THOC1: variants seen among roughly 807,000 people sequenced by gnomAD.
THOC1 encodes the protein THO complex subunit 1.
Under a neutral mutation model 97.3 loss-of-function variants are expected in THOC1, and 29 were observed. The ratio of observed to expected loss-of-function variants is 0.30; its 90% CI spans 0.22 to 0.41. THOC1 has a LOEUF of 0.41. Ranked by LOEUF, THOC1 falls within the 10% of genes least tolerant of loss-of-function variation. The pLI is 1.00. For missense variants in THOC1, 529 were observed against 761.9 expected, an observed-to-expected ratio of 0.69 and a Z score of 3.60; for synonymous variants, 255 against 257.0, an observed-to-expected ratio of 0.99 and a Z score of 0.07.
At chr18:222,715 C>G (rs1216823754) in intron 17 of THOC1, among the ~76,000 whole-genome samples, 1 of 152,028 alleles carries the variant, frequency 6.6e-6, no homozygotes, top group Non-Finnish European at 1.5e-5. Context: ...ACTCATCCCA[C>G]TGTCTTCTGA....
intron 11 of THOC1, among the ~76,000 whole-genome samples, chr18:243,545 A>AAT (rs907558704): frequency 1.2e-4 from 18 of 151,186 alleles, no homozygotes; most frequent in Middle Eastern, 3.4e-3. Flanking sequence ...CTCAAAAAAA[A>AAT]ATATATATAT....
chr18:265,420 T>C (rs886551772), intron 2 of THOC1, 37 bp downstream of exon 2: 10 of 1,586,682 alleles, frequency 6.3e-6, no homozygotes, highest in Non-Finnish European at 7.7e-6. Flanking sequence ...TGTATAAAGA[T>C]TGAGGCAAGT....
chr18:233,460 C>T (rs528575119), intron 11 of THOC1, among the ~76,000 whole-genome samples: 1 of 152,304 alleles, frequency 6.6e-6, no homozygotes, highest in East Asian at 1.9e-4. Flanking sequence ...GTGGCGCATG[C>T]CTGTAATCCC....
intron 7 of THOC1, among the ~76,000 whole-genome samples, chr18:256,828 G>A (rs763750578): frequency 5.3e-5 from 8 of 152,234 alleles, no homozygotes; most frequent in East Asian, 1.9e-4. Context: ...GAAATCTTTC[G>A]TGAAAGGAAG....
chr18:254,348 G>A lies in THOC1; in HGVS notation c.528C>T (p.Asn176=), dbSNP rs770973182. 4 of 1,565,332 alleles carry A rather than the reference G, an allele frequency of 2.6e-6. No individual in the cohort carries two copies. The South Asian group carries it at 4.7e-5, about 18-fold the overall frequency. ...LFPLSEKSGL[N]LQSQFNLENV... ...TTTCCAGATTAAACTGACTCTGCAA[G>A]TTAAGACCTAGTAAAAAAACAAAAA... is the stretch of plus-strand genomic sequence containing the variant. Residue 176 remains asparagine, a synonymous_variant, in exon 8 of 21, where the codon AAC becomes AAT. Transcript: ENST00000261600. This position sits in a 1 kb window ranked among gnomAD's most constrained non-coding sequence, Gnocchi z 4.1.
rs757410249 is a variant in THOC1 at position 216,446 on chromosome 18, G to A, written c.1602+40C>T. 3 of 1,582,806 alleles carry A rather than the reference G, an allele frequency of 1.9e-6. No homozygotes were observed. In the Admixed American group the frequency reaches 5.3e-5, roughly 28 times the overall value. ...TAGTGACAGCAATTTTAAAGAAGAT[G>A]TCAACTAAAGGGTATGAAAAGTTGA... On this transcript the variant is annotated intron_variant, in intron 19 of 20. Transcript: ENST00000261600.
intron 9 of THOC1, among the ~76,000 whole-genome samples, chr18:248,838 C>G (rs187152404): frequency 6.6e-6 from 1 of 152,064 alleles, no homozygotes; most frequent in Non-Finnish European, 1.5e-5. Context: ...GCAAGCTCCG[C>G]CTCCCGGGTT....
chr18:260,311 G>C lies in THOC1; in HGVS notation c.257-7C>G. The C allele has an allele frequency of 6.7e-7, 1 of 1,503,120 alleles. No individual in the cohort carries two copies. The highest frequency in any genetic ancestry group is 8.9e-7 in the Non-Finnish European group (1 of 1,125,378). The allele number at this position is 1,503,120 out of a possible 1,614,324, so 93.1% of individuals were successfully genotyped here. On this transcript the variant is annotated splice_region_variant and splice_polypyrimidine_tract_variant and intron_variant, in intron 4 of 20. Coordinates refer to ENST00000261600, the MANE Select transcript of THOC1 (RefSeq NM_005131.3). Reference sequence around the variant, plus strand: ...GTAGATGCGGTACAAATACCTTCAAGTGGAGCACAAGCCAATTTAAAAGTT... The same window carrying C: ...GTAGATGCGGTACAAATACCTTCAACTGGAGCACAAGCCAATTTAAAAGTT...
chr18:254,235 C>G lies in THOC1; in HGVS notation c.603+38G>C. 1 of 1,435,530 alleles carries G rather than the reference C, an allele frequency of 7.0e-7. No homozygotes were observed. The highest frequency in any genetic ancestry group is 1.4e-5 in the African/African-American group (1 of 71,004). 88.9% of individuals were successfully genotyped at this position (1,435,530 alleles called of 1,614,324 possible). A position where few individuals can be genotyped will look rare whatever the true frequency, so the allele number is the denominator to read the frequency against. ...ACCCACTATCTTAATAACAAACTTG[C>G]AAATATGTTATCTGAGAAGATTTCA... On this transcript the variant is annotated intron_variant, in intron 8 of 20. Transcript: ENST00000261600. The surrounding 1 kb of genome is among the most constrained non-coding windows in gnomAD (Gnocchi z 4.1).
intron 4 of THOC1, 67 bp downstream of exon 4, chr18:263,959 G>C (rs2143307994): frequency 2.5e-6 from 3 of 1,216,110 alleles, no homozygotes; most frequent in East Asian, 2.4e-5. Flanking sequence ...ATGGGGAGAA[G>C]ACGTTTTAAA....
chr18:257,394 T>A (rs1250400465), intron 7 of THOC1, among the ~76,000 whole-genome samples: 2 of 152,236 alleles, frequency 1.3e-5, no homozygotes, highest in East Asian at 3.8e-4. Context: ...CCAAGTTTCT[T>A]ACTGTTAGAG....
intron 11 of THOC1, among the ~76,000 whole-genome samples, chr18:233,597 T>A (rs1324565540): frequency 6.6e-6 from 1 of 152,122 alleles, no homozygotes; most frequent in African/African-American, 2.4e-5. Context: ...AATAAACAAA[T>A]AAATAAATAA....
chr18:241,312 C>T (rs1456825156), intron 11 of THOC1, among the ~76,000 whole-genome samples: 1 of 152,164 alleles, frequency 6.6e-6, no homozygotes, highest in East Asian at 1.9e-4. Context: ...TTCAACCTCT[C>T]AAATGGACAT....
At chr18:260,362 T>C (rs1214654739) in intron 4 of THOC1, 58 bp from the exon 5 acceptor site, 5 of 1,073,662 alleles carry the variant, frequency 4.7e-6, no homozygotes, top group African/African-American at 1.7e-5. Context: ...TAGAATAGCC[T>C]ATGAAAAATA....
intron 11 of THOC1, among the ~76,000 whole-genome samples, chr18:235,420 C>T (rs139262496): frequency 3.3e-5 from 5 of 152,124 alleles, no homozygotes; most frequent in South Asian, 2.1e-4. Flanking sequence ...TTGAGTTGAA[C>T]GCTCAATTTG....
intron 15 of THOC1, 34 bp from the exon 16 acceptor site, chr18:224,213 T>C (rs1911194058): frequency 7.2e-7 from 1 of 1,383,282 alleles, no homozygotes. Flanking sequence ...ATTTTTTGAA[T>C]TACAAATGGA....
chr18:234,558 T>C (rs2588316), intron 11 of THOC1, among the ~76,000 whole-genome samples: 1 of 152,230 alleles, frequency 6.6e-6, no homozygotes, highest in African/African-American at 2.4e-5. Flanking sequence ...TTTTTTGTTT[T>C]GTTTTTTCAG....
rs1911941748 is a variant in THOC1, at chr18:242,481, T to C, written c.918+3843A>G. ...AAGTTTGTATCATCCTTGCCAAGCA[T>C]TGTTTCCGGACTATCCCTAAGGAAA... On this transcript the variant is annotated intron_variant, in intron 11 of 20. Transcript: ENST00000261600. This position sits in a 1 kb window ranked among gnomAD's most constrained non-coding sequence, Gnocchi z 4.5. 6.6e-6 allele frequency among the ~76,000 whole-genome samples: 1 copy of C among 151,510 alleles called. No individual in the cohort carries two copies. The highest frequency in any genetic ancestry group is 2.1e-4 in the South Asian group (1 of 4,814).
chr18:221,768 T>C lies in THOC1; in HGVS notation c.1370+1672A>G, dbSNP rs553856571. On this transcript the variant is annotated intron_variant, in intron 17 of 20. Coordinates refer to ENST00000261600, the MANE Select transcript of THOC1 (RefSeq NM_005131.3). Reference sequence around the variant, plus strand: ...AGACTACAGGCGCCTGCCACCACACTTGGCTAATTTTTTGTATTTTTAGTA... The same window carrying C: ...AGACTACAGGCGCCTGCCACCACACCTGGCTAATTTTTTGTATTTTTAGTA... Among the ~76,000 whole-genome samples, 60 of 152,092 alleles carry C rather than the reference T, an allele frequency of 3.9e-4. No individual in the cohort carries two copies. In the East Asian group the frequency reaches 7.0e-3, roughly 18 times the overall value.
Sources: allele counts gnomAD v4.1 joint callset (sites outside exome capture counted in the v4.1 genomes callset), GRCh38; gene constraint gnomAD v4.1.1; non-coding constraint Gnocchi (gnomAD v3.1); transcripts MANE v1.5; gene names NCBI Gene and HGNC (gene_info 2026-07-23, HGNC 2026-07-21).